The following BCL2L13 variants were observed in gnomAD, a reference collection of about 807,000 sequenced individuals.
BCL2L13 encodes the protein BCL2 like 13.
A neutral mutation model predicts 25.8 loss-of-function variants in BCL2L13; 13 were observed. That is an observed-to-expected ratio of 0.50 (90% confidence interval 0.33 to 0.80). The LOEUF is 0.80. Among genes scored for constraint, BCL2L13 ranks in the 30% least tolerant of loss-of-function variants. BCL2L13 has a pLI of 0.02. For missense variants in BCL2L13, 504 were observed against 574.9 expected (o/e 0.88, Z 1.26); for synonymous variants, 244 against 230.3 (o/e 1.06, Z -0.54).
intron 6 of BCL2L13, among the ~76,000 whole-genome samples, chr22:17,708,000 A>G (rs1045626022): frequency 6.6e-6 from 1 of 152,226 alleles, no homozygotes; most frequent in Non-Finnish European, 1.5e-5. Flanking sequence ...TAGGTCTACC[A>G]CCAAAGTAAA....
chr22:17,714,929 C>T (rs1476653219), intron 6 of BCL2L13, among the ~76,000 whole-genome samples: 1 of 151,090 alleles, frequency 6.6e-6, no homozygotes, highest in Non-Finnish European at 1.5e-5. Flanking sequence ...TCACTGAAGC[C>T]CAGAAATTTG....
chr22:17,656,694 A>G (rs1264304310), intron 2 of BCL2L13, among the ~76,000 whole-genome samples: 1 of 151,882 alleles, frequency 6.6e-6, no homozygotes, highest in Non-Finnish European at 1.5e-5. Flanking sequence ...GCAGCCCTCT[A>G]TTGGCAGTTA....
intron 2 of BCL2L13, among the ~76,000 whole-genome samples, chr22:17,675,937 T>C (rs2059563843): frequency 6.6e-6 from 1 of 152,238 alleles, no homozygotes; most frequent in South Asian, 2.1e-4. Context: ...ACAGAGGTTG[T>C]CCTGCTATTC....
chr22:17,717,727 G>A (rs1053679904), intron 6 of BCL2L13, among the ~76,000 whole-genome samples: 9 of 151,938 alleles, frequency 5.9e-5, no homozygotes, highest in Non-Finnish European at 1.2e-4. Context: ...TTAACTTACT[G>A]TTTTTTTTAT....
intron 1 of BCL2L13, among the ~76,000 whole-genome samples, chr22:17,647,084 C>T (rs1402754448): frequency 6.6e-6 from 1 of 150,412 alleles, no homozygotes; most frequent in African/African-American, 2.4e-5. Flanking sequence ...CACCATTCTC[C>T]TGTCTCAGCC....
chr22:17,652,201 AT>A (rs201971444), intron 1 of BCL2L13, among the ~76,000 whole-genome samples: 1 of 151,640 alleles, frequency 6.6e-6, no homozygotes, highest in Non-Finnish European at 1.5e-5. Flanking sequence ...TAAGCAAAAA[AT>A]TTTTTTTAAA....
In BCL2L13 at chr22:17,727,185, C is replaced by A; in HGVS notation, c.1109C>A (p.Ser370Tyr). ...ACAGAAGTGATCACAGTTGAGAAAT[C>A]CAGCCCTGCTACATCTCTGTTTGTA... ...PDTEVITVEK[S>Y]SPATSLFVEL... is the part of the protein sequence containing the mutation. The change falls in exon 7 of 7, where the codon TCC becomes TAC. Residue 370 changes from serine to tyrosine, a missense_variant. Transcript: ENST00000317582. 1 of 1,614,246 alleles carries A rather than the reference C, an allele frequency of 6.2e-7. No individual in the cohort carries two copies. The highest frequency in any genetic ancestry group is 1.1e-5 in the South Asian group (1 of 91,084).
chr22:17,646,888 T>TTGTGTGTGTG (rs71201853), intron 1 of BCL2L13, among the ~76,000 whole-genome samples: 5 of 89,946 alleles, frequency 5.6e-5, no homozygotes, highest in African/African-American at 1.8e-4. Context: ...CCCAGCTAAT[T>TTGTGTGTGTG]TGTGTGTGTG....
intron 5 of BCL2L13, among the ~76,000 whole-genome samples, chr22:17,696,980 T>G (rs908066782): frequency 3.9e-5 from 6 of 152,080 alleles, no homozygotes; most frequent in African/African-American, 1.4e-4. Context: ...TCAGGACAGT[T>G]ACTTTTATAG....
chr22:17,716,715 A>G (rs2060955356), intron 6 of BCL2L13, among the ~76,000 whole-genome samples: 2 of 152,338 alleles, frequency 1.3e-5, no homozygotes, highest in South Asian at 4.1e-4. Flanking sequence ...ACTGAGTCAG[A>G]AAATTATAAA....
intron 2 of BCL2L13, among the ~76,000 whole-genome samples, chr22:17,668,339 T>C (rs1471357946): frequency 2.0e-5 from 3 of 151,900 alleles, no homozygotes; most frequent in Non-Finnish European, 1.5e-5. Flanking sequence ...TATTATGCTT[T>C]GAGTGTCTTA....
At chr22:17,722,240 T>G (rs1184452506) in intron 6 of BCL2L13, among the ~76,000 whole-genome samples, 1 of 152,088 alleles carries the variant, frequency 6.6e-6, no homozygotes, top group Non-Finnish European at 1.5e-5. Context: ...CTGTTTTTTT[T>G]GGAATTGAGA....
Position 17,655,733 on chromosome 22 carries a change from C to A in BCL2L13, c.22C>A (p.Pro8Thr), listed in dbSNP as rs1250600312. The A allele has an allele frequency of 6.2e-7, 1 of 1,613,244 alleles. No individual in the cohort carries two copies. The highest frequency in any genetic ancestry group is 8.5e-7 in the Non-Finnish European group (1 of 1,179,562). Residue 8 changes from proline to threonine, a missense_variant, in exon 2 of 7, where the codon CCT (proline) becomes ACT (threonine). By Grantham distance (38) the Pro-to-Thr change is conservative (BLOSUM62 -1). Transcript: ENST00000317582. ...TTCAATGGCGTCCTCTTCTACTGTGCCTCTGGGATTTCACTATGAAACAAA... is the reference window on the plus strand; with the variant it reads ...TTCAATGGCGTCCTCTTCTACTGTGACTCTGGGATTTCACTATGAAACAAA... MASSSTVPLGFHYETKYV... is the reference protein window; with the variant it reads MASSSTVTLGFHYETKYV...
chr22:17,723,611 T>C (rs2061210017), intron 6 of BCL2L13, among the ~76,000 whole-genome samples: 1 of 152,184 alleles, frequency 6.6e-6, no homozygotes, highest in Non-Finnish European at 1.5e-5. Context: ...TTACTTCCTA[T>C]GTACAAAGTA....
chr22:17,707,927 G>A (rs2060637761), intron 6 of BCL2L13, among the ~76,000 whole-genome samples: 1 of 151,930 alleles, frequency 6.6e-6, no homozygotes, highest in Non-Finnish European at 1.5e-5. Context: ...AATCAATATA[G>A]ACATCATGAT....
intron 2 of BCL2L13, among the ~76,000 whole-genome samples, chr22:17,664,905 G>T (rs1568945420): frequency 6.6e-6 from 1 of 152,214 alleles, no homozygotes; most frequent in East Asian, 1.9e-4. Context: ...CCTGGTCCAG[G>T]AAACTATGTT....
intron 6 of BCL2L13, among the ~76,000 whole-genome samples, chr22:17,721,492 GT>G (rs36189821): frequency 1.0e-4 from 14 of 137,826 alleles, no homozygotes; most frequent in East Asian, 2.2e-4. Flanking sequence ...AATGGAAATA[GT>G]TTTTTTTTTT....
intron 1 of BCL2L13, among the ~76,000 whole-genome samples, chr22:17,645,093 G>C (rs2058427149): frequency 6.6e-6 from 1 of 150,716 alleles, no homozygotes; most frequent in Admixed American, 6.6e-5. Context: ...ACAGGCATGA[G>C]TCACCACACC....
At chr22:17,680,371 A>G (rs1008534813) in intron 2 of BCL2L13, among the ~76,000 whole-genome samples, 10 of 148,910 alleles carry the variant, frequency 6.7e-5, no homozygotes, top group Non-Finnish European at 1.3e-4. Context: ...TTAGCGGGGA[A>G]TGGTGTCGGG....
Sources: gnomAD v4.1 joint callset for allele counts (sites outside exome capture counted in the v4.1 genomes callset) on GRCh38, gnomAD v4.1.1 for gene constraint, MANE v1.5 for transcripts, NCBI Gene and HGNC (gene_info 2026-07-23, HGNC 2026-07-21) for gene names.